Variants in PLXNC1 observed in about 807,000 individuals in gnomAD.
The protein encoded by PLXNC1 is plexin C1, also known as plexin-C1.
A neutral mutation model predicts 178.2 loss-of-function variants in PLXNC1; 75 were observed. The ratio of observed to expected loss-of-function variants is 0.42; its 90% CI spans 0.35 to 0.51. The LOEUF is 0.51. PLXNC1 is among the 20% of genes least tolerant of loss of function. The probability of loss-of-function intolerance (pLI) is 0.02; values close to 1 mark genes in which losing one functional copy is unlikely to be tolerated. For missense variants in PLXNC1, 1,503 were observed against 1,984.4 expected, an observed-to-expected ratio of 0.76 and a Z score of 4.61; for synonymous variants, 790 against 779.9, an observed-to-expected ratio of 1.01 and a Z score of -0.22.
intron 1 of PLXNC1, among the ~76,000 whole-genome samples, chr12:94,156,722 T>C (rs1400464280): frequency 1.3e-5 from 2 of 150,230 alleles, no homozygotes; most frequent in Non-Finnish European, 3.0e-5. Context: ...TTTTTTTTTT[T>C]TTTTAAACAG....
At position 94,305,861 on chromosome 12, in the gene PLXNC1, C is replaced by T. The variant is rs1243802645; in HGVS notation, c.*576C>T. 1 of 152,154 alleles carries T rather than the reference C, an allele frequency of 6.6e-6. No individual in the cohort carries two copies. The highest frequency in any genetic ancestry group is 1.5e-5 in the Non-Finnish European group (1 of 68,044). The allele number at this position is 152,154 out of a possible 1,614,324, so 9.4% of individuals were successfully genotyped here. A position where few individuals can be genotyped will look rare whatever the true frequency, so the allele number is the denominator to read the frequency against. Reference sequence around the variant, plus strand: ...TGTGTGTGTTTAAACCAAAAACTAACAGTGTTGCAACATTGTTGAAAGGGC... The same window carrying T: ...TGTGTGTGTTTAAACCAAAAACTAATAGTGTTGCAACATTGTTGAAAGGGC... On this transcript the variant is annotated 3_prime_UTR_variant, in exon 31 of 31. Transcript: ENST00000258526.
At position 94,168,521 on chromosome 12, in the gene PLXNC1, A is replaced by T. The variant is rs117300047; in HGVS notation, c.1063-632A>T. On this transcript the variant is annotated intron_variant, in intron 1 of 30. Coordinates refer to ENST00000258526, the MANE Select transcript of PLXNC1 (RefSeq NM_005761.3). ...GTTAGACTTTTTGTTTTCCCCTTTAAAAGCATCAGCACCAGGGCCAGCCCT... is the reference window on the plus strand; with the variant it reads ...GTTAGACTTTTTGTTTTCCCCTTTATAAGCATCAGCACCAGGGCCAGCCCT... Among the ~76,000 whole-genome samples, 618 of 152,204 alleles carry T rather than the reference A, an allele frequency of 4.1e-3. 3 individuals carry two copies. Among genetic ancestry groups the T allele is most frequent in the Middle Eastern group, 0.017 (5 of 294 alleles).
At chr12:94,156,918 T>C (rs1592717325) in intron 1 of PLXNC1, among the ~76,000 whole-genome samples, 1 of 152,156 alleles carries the variant, frequency 6.6e-6, no homozygotes, top group East Asian at 1.9e-4. Context: ...TCTTGCTATG[T>C]TGCCCATGCT....
chr12:94,307,291 T>G lies in PLXNC1; in HGVS notation c.*2006T>G, dbSNP rs1199923432. 1.3e-5 allele frequency: 2 copies of G among 152,198 alleles called. No homozygotes were observed. The highest frequency in any genetic ancestry group is 2.9e-5 in the Non-Finnish European group (2 of 68,032). The allele number at this position is 152,198 out of a possible 1,614,324, so 9.4% of individuals were successfully genotyped here. Reference sequence around the variant, plus strand: ...CTGAGGTGGTATGAAGATTCACTAATGTATGTAGCGTGTTTGTCAATCCTC... The same window carrying G: ...CTGAGGTGGTATGAAGATTCACTAAGGTATGTAGCGTGTTTGTCAATCCTC... On this transcript the variant is annotated 3_prime_UTR_variant, in exon 31 of 31. Coordinates refer to ENST00000258526, the MANE Select transcript of PLXNC1 (RefSeq NM_005761.3).
chr12:94,212,517 G>A (rs1195769437), intron 5 of PLXNC1, among the ~76,000 whole-genome samples: 8 of 98,702 alleles, frequency 8.1e-5, no homozygotes, highest in Non-Finnish European at 1.6e-4. Flanking sequence ...GATGTTCCCC[G>A]CCCTGTGACC....
At chr12:94,163,028 G>C (rs1318390616) in intron 1 of PLXNC1, among the ~76,000 whole-genome samples, 1 of 152,110 alleles carries the variant, frequency 6.6e-6, no homozygotes, top group African/African-American at 2.4e-5. Context: ...AATGCCAGTT[G>C]TTTCCTCCTG....
intron 9 of PLXNC1, among the ~76,000 whole-genome samples, chr12:94,228,677 C>T (rs944962319): frequency 6.6e-6 from 1 of 152,170 alleles, no homozygotes; most frequent in Non-Finnish European, 1.5e-5. Context: ...GTGCTGGCGT[C>T]TTTCACTTAG....
Position 94,181,431 on chromosome 12 carries a change from G to GAAA in PLXNC1, c.1204-6_1204-4dup. ...AAATAGAAATCATGTTTCTCTTTTTGAAAAAAAAAAATAGGTTATTCTTGG... is the reference window on the plus strand; with the variant it reads ...AAATAGAAATCATGTTTCTCTTTTTGAAAAAAAAAAAAAATAGGTTATTCTTGG... On this transcript the variant is annotated splice_polypyrimidine_tract_variant and intron_variant, in intron 2 of 30. Coordinates refer to ENST00000258526, the MANE Select transcript of PLXNC1 (RefSeq NM_005761.3). 4.5e-6 allele frequency: 5 copies of GAAA among 1,111,898 alleles called. No individual in the cohort carries two copies. Among genetic ancestry groups the GAAA allele is most frequent in the Admixed American group, 2.6e-5 (1 of 38,164 alleles). The allele number at this position is 1,111,898 out of a possible 1,614,324, so 68.9% of individuals were successfully genotyped here.
chr12:94,180,420 A>G (rs918871098), intron 2 of PLXNC1, among the ~76,000 whole-genome samples: 3 of 152,144 alleles, frequency 2.0e-5, no homozygotes, highest in South Asian at 2.1e-4. Flanking sequence ...ACTATATTTT[A>G]TAATTTACTT....
intron 20 of PLXNC1, among the ~76,000 whole-genome samples, chr12:94,261,091 C>T (rs1053444402): frequency 6.6e-6 from 1 of 152,200 alleles, no homozygotes; most frequent in African/African-American, 2.4e-5. Context: ...TACCTTCTCA[C>T]GTCAATTCAC....
chr12:94,215,593 T>TAGATAA (rs1963623907), intron 5 of PLXNC1, among the ~76,000 whole-genome samples: 1 of 98,048 alleles, frequency 1.0e-5, no homozygotes, highest in Non-Finnish European at 2.4e-5. Context: ...TAGATAGATA[T>TAGATAA]CAAAAATAAT....
At chr12:94,205,524 A>G (rs1963273037) in intron 4 of PLXNC1, among the ~76,000 whole-genome samples, 1 of 152,072 alleles carries the variant, frequency 6.6e-6, no homozygotes, top group African/African-American at 2.4e-5. Context: ...TCTATGGGGG[A>G]AAAATGCATT....
chr12:94,282,188 TCAAA>T (rs1490892573), intron 22 of PLXNC1, 106 bp from the exon 23 acceptor site: 6 of 740,160 alleles, frequency 8.1e-6, no homozygotes, highest in South Asian at 1.7e-5. Context: ...CTCTACACCT[TCAAA>T]CAAAGATTTA....
chr12:94,301,194 T>C (rs1020692869), intron 28 of PLXNC1, 137 bp downstream of exon 28: 28 of 565,884 alleles, frequency 4.9e-5, no homozygotes, highest in African/African-American at 4.5e-4. Context: ...CACTGTCAAT[T>C]TGCTGTTATT....
intron 1 of PLXNC1, among the ~76,000 whole-genome samples, chr12:94,168,770 A>G (rs1961727438): frequency 6.6e-6 from 1 of 152,244 alleles, no homozygotes; most frequent in Admixed American, 6.5e-5. Flanking sequence ...ACGCCTAGCT[A>G]AAATGAATTG....
rs375179495 is a variant in PLXNC1, at chr12:94,206,005, C to T, written c.1440-3585C>T. On this transcript the variant is annotated intron_variant, in intron 4 of 30. Coordinates refer to ENST00000258526, the MANE Select transcript of PLXNC1 (RefSeq NM_005761.3). ...TACTTCTCTGAGCTTCTGTTTCATC[C>T]GTAAAGAGTGAGGTTGTTGTGAGAA... Among the ~76,000 whole-genome samples the T allele has an allele frequency of 1.5e-4, 23 of 152,310 alleles. No individual in the cohort carries two copies. In the East Asian group the frequency reaches 2.9e-3, roughly 19 times the overall value.
intron 6 of PLXNC1, among the ~76,000 whole-genome samples, chr12:94,221,609 C>G (rs1294338623): frequency 6.6e-6 from 1 of 152,150 alleles, no homozygotes; most frequent in African/African-American, 2.4e-5. Flanking sequence ...ATATCTTAGT[C>G]CATTCTGGCT....
At chr12:94,195,690 C>T (rs1213731395) in intron 4 of PLXNC1, among the ~76,000 whole-genome samples, 1 of 152,200 alleles carries the variant, frequency 6.6e-6, no homozygotes, top group Non-Finnish European at 1.5e-5. Flanking sequence ...CTTCAAGCAG[C>T]CCCTGGTGGC....
chr12:94,301,276 G>A (rs959359130), intron 28 of PLXNC1, among the ~76,000 whole-genome samples: 2 of 152,214 alleles, frequency 1.3e-5, no homozygotes, highest in Non-Finnish European at 1.5e-5. Context: ...CCACCCAACT[G>A]CAGAATTCTG....
Sources: gnomAD v4.1 joint callset for allele counts (sites outside exome capture counted in the v4.1 genomes callset) on GRCh38, gnomAD v4.1.1 for gene constraint, MANE v1.5 for transcripts, NCBI Gene and HGNC (gene_info 2026-07-23, HGNC 2026-07-21) for gene names.